CACNA2D3: variants seen among roughly 807,000 people sequenced by gnomAD.
The protein encoded by CACNA2D3 is calcium voltage-gated channel auxiliary subunit alpha2delta 3, also known as voltage-dependent calcium channel subunit alpha-2/delta-3.
In CACNA2D3, 60 loss-of-function variants were observed where a neutral mutation model predicts 160.6. The observed-to-expected ratio is 0.37, with a 90% CI of 0.30 to 0.46. The LOEUF (loss-of-function observed/expected upper bound fraction) is 0.46. Among genes scored for constraint, CACNA2D3 ranks in the 20% least tolerant of loss-of-function variants. The pLI is 1.00. For synonymous variants in CACNA2D3, 558 were observed against 492.9 expected, an observed-to-expected ratio of 1.13 and a Z score of -1.75; for missense variants, 1,205 against 1,365.0, an observed-to-expected ratio of 0.88 and a Z score of 1.85.
At chr3:54,922,227 A>G (rs1359036665) in intron 27 of CACNA2D3, among the ~76,000 whole-genome samples, 1 of 152,066 alleles carries the variant, frequency 6.6e-6, no homozygotes, top group Admixed American at 6.5e-5. Flanking sequence ...AGGGAAGTGT[A>G]CTAATTTTCC....
chr3:54,810,494 A>C (rs945128171), intron 13 of CACNA2D3, among the ~76,000 whole-genome samples: 3 of 152,234 alleles, frequency 2.0e-5, no homozygotes, highest in Non-Finnish European at 4.4e-5. Flanking sequence ...AAGATTATAC[A>C]TGCAAGCATC....
intron 11 of CACNA2D3, among the ~76,000 whole-genome samples, chr3:54,704,868 A>G (rs1429801204): frequency 6.6e-6 from 1 of 152,032 alleles, no homozygotes; most frequent in African/African-American, 2.4e-5. Context: ...TCCTTGACCC[A>G]AAAAGGAGAT....
At position 55,062,188 on chromosome 3, in the gene CACNA2D3, T is replaced by C. The variant is rs569412850; in HGVS notation, c.2988-11257T>C. 2.6e-3 allele frequency among the ~76,000 whole-genome samples: 399 copies of C among 152,228 alleles called. 2 individuals are homozygous for C. Among genetic ancestry groups the C allele is most frequent in the African/African-American group, 8.6e-3 (357 of 41,540 alleles). ...AGGCTGGAGTGCAGTGGCATGATCATAGCTCACTGCAGCCTCAAAGTCCTG... is the reference window on the plus strand; with the variant it reads ...AGGCTGGAGTGCAGTGGCATGATCACAGCTCACTGCAGCCTCAAAGTCCTG... On this transcript the variant is annotated intron_variant, in intron 35 of 37. Coordinates refer to ENST00000474759, the MANE Select transcript of CACNA2D3 (RefSeq NM_018398.3).
At chr3:54,657,861 T>A (rs1313796270) in intron 11 of CACNA2D3, among the ~76,000 whole-genome samples, 1 of 152,030 alleles carries the variant, frequency 6.6e-6, no homozygotes, top group Non-Finnish European at 1.5e-5. Context: ...AAACCCCGTC[T>A]CTACTAAAAA....
At chr3:54,608,558 G>A (rs959489165) in intron 9 of CACNA2D3, among the ~76,000 whole-genome samples, 3 of 152,062 alleles carry the variant, frequency 2.0e-5, no homozygotes, top group African/African-American at 7.3e-5. Context: ...GAATTTGTGT[G>A]TTTAACCACC....
chr3:54,819,877 C>T (rs879535305), intron 14 of CACNA2D3, among the ~76,000 whole-genome samples: 1 of 152,086 alleles, frequency 6.6e-6, no homozygotes, highest in African/African-American at 2.4e-5. Flanking sequence ...AACCTGTGTG[C>T]TTAAACTGAC....
intron 35 of CACNA2D3, among the ~76,000 whole-genome samples, chr3:55,042,917 T>C (rs1372400219): frequency 1.3e-5 from 2 of 152,218 alleles, no homozygotes; most frequent in Non-Finnish European, 2.9e-5. Flanking sequence ...ATCTGACTTC[T>C]TATATCAGCA....
At chr3:54,258,807 G>A (rs1490563171) in intron 2 of CACNA2D3, among the ~76,000 whole-genome samples, 3 of 152,180 alleles carry the variant, frequency 2.0e-5, no homozygotes, top group African/African-American at 7.2e-5. Flanking sequence ...GGGATCAGAA[G>A]TGATTAATAA....
chr3:54,588,949 T>C (rs1702811291), intron 9 of CACNA2D3, among the ~76,000 whole-genome samples: 1 of 151,672 alleles, frequency 6.6e-6, no homozygotes. Context: ...ATTTAATATG[T>C]ATGTATAATA....
chr3:54,231,408 C>T (rs770662696), intron 2 of CACNA2D3, among the ~76,000 whole-genome samples: 5 of 152,160 alleles, frequency 3.3e-5, no homozygotes, highest in African/African-American at 4.8e-5. Context: ...AAGTGTGAGG[C>T]GCTCTTTGAA....
intron 13 of CACNA2D3, among the ~76,000 whole-genome samples, chr3:54,770,075 C>A (rs1296014907): frequency 4.6e-5 from 7 of 152,258 alleles, no homozygotes; most frequent in African/African-American, 1.7e-4. Flanking sequence ...GCCCATTTGC[C>A]CCGAAAATAC....
At chr3:54,562,394 G>A (rs746166045) in intron 5 of CACNA2D3, among the ~76,000 whole-genome samples, 1 of 152,188 alleles carries the variant, frequency 6.6e-6, no homozygotes. Context: ...GGTGATTACA[G>A]TGAGAGAAAA....
At chr3:54,736,024 CATATATATATGT>C (rs1559563489) in intron 11 of CACNA2D3, among the ~76,000 whole-genome samples, 50 of 65,208 alleles carry the variant, frequency 7.7e-4, no homozygotes, top group Non-Finnish European at 9.8e-4. Flanking sequence ...TATACACATA[CATATATATATGT>C]ATATATATAC....
chr3:54,849,501 G>A (rs1404923409), intron 17 of CACNA2D3, among the ~76,000 whole-genome samples: 1 of 152,168 alleles, frequency 6.6e-6, no homozygotes, highest in African/African-American at 2.4e-5. Context: ...TCTGGAGGTT[G>A]TAAATGACTT....
chr3:54,696,391 A>G (rs1237106662), intron 11 of CACNA2D3, among the ~76,000 whole-genome samples: 2 of 152,196 alleles, frequency 1.3e-5, no homozygotes, highest in Admixed American at 6.5e-5. Flanking sequence ...TCAAATGCCT[A>G]TGAGGTCCGA....
At chr3:54,569,407 C>T (rs570362876) in intron 6 of CACNA2D3, among the ~76,000 whole-genome samples, 140 of 151,894 alleles carry the variant, frequency 9.2e-4, no homozygotes, top group African/African-American at 2.8e-3. Flanking sequence ...GGTCCAGGGA[C>T]GGGCCAGACT....
chr3:54,383,987 C>T (rs920631535), intron 3 of CACNA2D3, among the ~76,000 whole-genome samples: 3 of 152,156 alleles, frequency 2.0e-5, no homozygotes, highest in African/African-American at 7.2e-5. Context: ...TATACATACA[C>T]ACATATGTAA....
rs1406785171 is a variant in CACNA2D3, at chr3:54,247,754, G to A, written c.205-72688G>A. Among the ~76,000 whole-genome samples the A allele has an allele frequency of 2.6e-5, 4 of 152,106 alleles. No homozygotes were observed. The East Asian group carries it at 5.8e-4, about 22-fold the overall frequency. On this transcript the variant is annotated intron_variant, in intron 2 of 37. Coordinates refer to ENST00000474759, the MANE Select transcript of CACNA2D3 (RefSeq NM_018398.3). The stretch of plus-strand genomic sequence containing the variant: ...CTTGATCTATAGTTCAAGAGAAATT[G>A]CCTGGAATGAAAAGGATTTGAAATT...
intron 3 of CACNA2D3, among the ~76,000 whole-genome samples, chr3:54,333,687 G>A (rs1279009607): frequency 6.6e-6 from 1 of 151,884 alleles, no homozygotes; most frequent in East Asian, 1.9e-4. Flanking sequence ...GAGAAAGCCC[G>A]AGAAGCCTGT....
Sources: gnomAD v4.1 joint callset for allele counts (sites outside exome capture counted in the v4.1 genomes callset) on GRCh38, gnomAD v4.1.1 for gene constraint, MANE v1.5 for transcripts, NCBI Gene and HGNC (gene_info 2026-07-23, HGNC 2026-07-21) for gene names.